The following ERC2 variants were observed in gnomAD, a reference collection of about 807,000 sequenced individuals.
ERC2 encodes ERC protein 2.
Under a neutral mutation model 114.8 loss-of-function variants are expected in ERC2, and 42 were observed. That is an observed-to-expected ratio of 0.37 (90% CI 0.29 to 0.47). ERC2 has a LOEUF of 0.47. Among genes scored for constraint, ERC2 ranks in the 20% least tolerant of loss-of-function variants. The pLI is 0.99. For missense variants in ERC2, 939 were observed against 1,150.7 expected, an observed-to-expected ratio of 0.82 and a Z score of 2.66; for synonymous variants, 454 against 425.5, an observed-to-expected ratio of 1.07 and a Z score of -0.82.
intron 17 of ERC2, among the ~76,000 whole-genome samples, chr3:55,561,213 T>C (rs1352354816): frequency 6.6e-6 from 1 of 152,088 alleles, no homozygotes; most frequent in Non-Finnish European, 1.5e-5. Context: ...ATCAGACATC[T>C]TGGGATTTCT....
In ERC2 at chr3:56,175,739, A is replaced by G. The variant is rs535463612; in HGVS notation, c.1075-2219T>C. 1.6e-4 allele frequency among the ~76,000 whole-genome samples: 25 copies of G among 152,326 alleles called. No homozygotes were observed. In the South Asian group the frequency reaches 4.4e-3, roughly 27 times the overall value. ...GGAGACACAATAGCACCCCCATTGT[A>G]TGGTATTTTCTACCACACAGACACA... On this transcript the variant is annotated intron_variant, in intron 3 of 17. Coordinates refer to ENST00000288221, the MANE Select transcript of ERC2 (RefSeq NM_015576.3).
intron 13 of ERC2, among the ~76,000 whole-genome samples, chr3:55,905,640 C>T (rs893690670): frequency 3.9e-5 from 6 of 152,110 alleles, no homozygotes; most frequent in Admixed American, 1.3e-4. Context: ...TTGAAAGAGG[C>T]GGTATAGTAT....
intron 3 of ERC2, among the ~76,000 whole-genome samples, chr3:56,193,060 G>T (rs1445289405): frequency 6.6e-6 from 1 of 152,122 alleles, no homozygotes; most frequent in Non-Finnish European, 1.5e-5. Flanking sequence ...TACAAAACAG[G>T]TATATGGTAG....
At chr3:55,708,101 C>T (rs1044335914) in intron 15 of ERC2, among the ~76,000 whole-genome samples, 30 of 152,198 alleles carry the variant, frequency 2.0e-4, no homozygotes, top group Admixed American at 5.9e-4. Flanking sequence ...AGAAAAGCAG[C>T]TCACTTTTGA....
intron 2 of ERC2, among the ~76,000 whole-genome samples, chr3:56,431,173 T>G (rs1009233343): frequency 6.6e-6 from 1 of 152,226 alleles, no homozygotes; most frequent in African/African-American, 2.4e-5. Context: ...AAATGTCTAC[T>G]GGTAGCACTA....
At chr3:55,821,352 T>C (rs2060115287) in intron 14 of ERC2, among the ~76,000 whole-genome samples, 1 of 152,164 alleles carries the variant, frequency 6.6e-6, no homozygotes, top group Non-Finnish European at 1.5e-5. Context: ...AGCACTTGAG[T>C]TCTGGGAAAC....
At chr3:55,604,547 C>A (rs1443327252) in intron 17 of ERC2, among the ~76,000 whole-genome samples, 1 of 152,108 alleles carries the variant, frequency 6.6e-6, no homozygotes. Flanking sequence ...AAGGCCAGTG[C>A]AGCATGGCAC....
At chr3:56,188,516 C>T (rs1443018058) in intron 3 of ERC2, among the ~76,000 whole-genome samples, 1 of 152,210 alleles carries the variant, frequency 6.6e-6, no homozygotes, top group Non-Finnish European at 1.5e-5. Context: ...TGGCTGCAGA[C>T]ACGTGCCACA....
At chr3:55,584,466 C>T (rs965601218) in intron 17 of ERC2, among the ~76,000 whole-genome samples, 3 of 152,096 alleles carry the variant, frequency 2.0e-5, no homozygotes, top group African/African-American at 4.8e-5. Context: ...CTTGCCTCGC[C>T]GAGACTCAGA....
intron 12 of ERC2, among the ~76,000 whole-genome samples, chr3:55,964,142 A>G (rs2068580857): frequency 6.6e-6 from 1 of 152,276 alleles, no homozygotes; most frequent in African/African-American, 2.4e-5. Flanking sequence ...ATTATGCATC[A>G]GATGCTGTGC....
At position 55,515,466 on chromosome 3, in the gene ERC2, C is replaced by G. The variant is rs1354738056; in HGVS notation, c.*40-4190G>C. Among the ~76,000 whole-genome samples, 8 of 151,980 alleles carry G rather than the reference C, an allele frequency of 5.3e-5. 1 individual carries two copies. Among genetic ancestry groups the G allele is most frequent in the Middle Eastern group, 3.2e-3 (1 of 316 alleles). Reference sequence around the variant, plus strand: ...CACTGCAACCTCTGTCTCCCTGGTTCAAGCGATTCTCCTGCCTCAGCCTCC... The same window carrying G: ...CACTGCAACCTCTGTCTCCCTGGTTGAAGCGATTCTCCTGCCTCAGCCTCC... On this transcript the variant is annotated intron_variant, in intron 17 of 17. Coordinates refer to ENST00000288221, the MANE Select transcript of ERC2 (RefSeq NM_015576.3).
chr3:56,260,269 T>C (rs1322517272), intron 3 of ERC2, among the ~76,000 whole-genome samples: 1 of 152,204 alleles, frequency 6.6e-6, no homozygotes, highest in East Asian at 1.9e-4. Flanking sequence ...CCTGGGACTC[T>C]CTGCCACTGC....
intron 17 of ERC2, among the ~76,000 whole-genome samples, chr3:55,571,372 T>C (rs931916426): frequency 6.6e-6 from 1 of 152,102 alleles, no homozygotes; most frequent in African/African-American, 2.4e-5. Flanking sequence ...GGAGCTCACC[T>C]TTTATATGCA....
chr3:55,541,833 T>C (rs2054416015), intron 17 of ERC2, among the ~76,000 whole-genome samples: 1 of 152,224 alleles, frequency 6.6e-6, no homozygotes. Flanking sequence ...ACGTTGAATA[T>C]AGACAGGTCA....
At chr3:56,194,598 CATT>C (rs1452001401) in intron 3 of ERC2, among the ~76,000 whole-genome samples, 1 of 152,142 alleles carries the variant, frequency 6.6e-6, no homozygotes, top group East Asian at 1.9e-4. Context: ...AGGCCGAGGA[CATT>C]ATTGTACACT....
At chr3:55,699,356 G>A (rs1047397037) in intron 16 of ERC2, 22 bp downstream of exon 16, 6 of 1,613,342 alleles carry the variant, frequency 3.7e-6, no homozygotes, top group East Asian at 2.2e-5. Context: ...GGGTCTTGGA[G>A]GTAAGCAGCG....
intron 14 of ERC2, among the ~76,000 whole-genome samples, chr3:55,762,523 G>T (rs1288251733): frequency 6.6e-6 from 1 of 152,096 alleles, no homozygotes; most frequent in Admixed American, 6.5e-5. Flanking sequence ...AGGTCAGGAG[G>T]GTCCTTATTT....
At chr3:55,690,021 T>A (rs891489676) in intron 16 of ERC2, among the ~76,000 whole-genome samples, 27 of 152,186 alleles carry the variant, frequency 1.8e-4, no homozygotes, top group African/African-American at 6.0e-4. Context: ...ACACTAAAGC[T>A]GAAGGCAAAA....
rs929706019 is a variant in ERC2 at position 55,509,760 on chromosome 3, T to C, written c.*1556A>G. ...ATTGCACCAACATTTTAAAAAGTAA[T>C]AATAATGACTAAATTCAATGCAAGA... is the stretch of plus-strand genomic sequence containing the variant. On this transcript the variant is annotated 3_prime_UTR_variant, in exon 18 of 18. Coordinates refer to ENST00000288221, the MANE Select transcript of ERC2 (RefSeq NM_015576.3). 4.6e-5 allele frequency: 7 copies of C among 152,584 alleles called. No individual in the cohort carries two copies. Among genetic ancestry groups the C allele is most frequent in the African/African-American group, 1.7e-4 (7 of 41,426 alleles). The allele number at this position is 152,584 out of a possible 1,614,324, so 9.5% of individuals were successfully genotyped here.
Sources: gnomAD v4.1 joint callset for allele counts (sites outside exome capture counted in the v4.1 genomes callset) on GRCh38, gnomAD v4.1.1 for gene constraint, MANE v1.5 for transcripts, NCBI Gene and HGNC (gene_info 2026-07-23, HGNC 2026-07-21) for gene names.